The following KDM3B variants were observed in gnomAD, a reference collection of about 807,000 sequenced individuals.
KDM3B encodes the protein lysine-specific demethylase 3B.
Under a neutral mutation model 170.0 loss-of-function variants are expected in KDM3B, and 10 were observed. That is an observed-to-expected ratio of 0.06 (90% CI 0.04 to 0.10). KDM3B has a LOEUF of 0.10. Among genes scored for constraint, KDM3B ranks in the 10% least tolerant of loss-of-function variants. The pLI, the probability that KDM3B is intolerant of heterozygous loss-of-function variation, is 1.00. For synonymous variants in KDM3B, 831 were observed against 834.8 expected, an observed-to-expected ratio of 1.00 and a Z score of 0.08; for missense variants, 1,394 against 2,195.2, an observed-to-expected ratio of 0.64 and a Z score of 7.29.
At chr5:138,389,766 C>T (rs1762376570) in intron 7 of KDM3B, among the ~76,000 whole-genome samples, 1 of 121,596 alleles carries the variant, frequency 8.2e-6, no homozygotes, top group Non-Finnish European at 1.7e-5. Flanking sequence ...GGTCTCTTCT[C>T]TCTCTCTCTC....
intron 15 of KDM3B, among the ~76,000 whole-genome samples, chr5:138,422,244 G>T (rs974968748): frequency 1.3e-5 from 2 of 151,892 alleles, no homozygotes; most frequent in African/African-American, 2.4e-5. Flanking sequence ...AGGCATTTTT[G>T]ACTGTTCTAT....
intron 1 of KDM3B, among the ~76,000 whole-genome samples, chr5:138,363,499 T>A (rs552687092): frequency 1.3e-4 from 20 of 152,344 alleles, no homozygotes; most frequent in Admixed American, 1.2e-3. Context: ...TTTCTCTGAT[T>A]CTAAAGTAAT....
At chr5:138,371,888 TGA>T (rs1328918571) in intron 1 of KDM3B, among the ~76,000 whole-genome samples, 1 of 152,090 alleles carries the variant, frequency 6.6e-6, no homozygotes, top group Non-Finnish European at 1.5e-5. Flanking sequence ...TTTGTGAGTC[TGA>T]GGTGTACAGA....
At chr5:138,416,915 G>C (rs1213757803) in intron 12 of KDM3B, among the ~76,000 whole-genome samples, 2 of 152,082 alleles carry the variant, frequency 1.3e-5, no homozygotes, top group Non-Finnish European at 2.9e-5. Flanking sequence ...CTACCTCCTA[G>C]AATCAAGCGA....
rs1580866069 is a variant in KDM3B, at chr5:138,352,709, A to C, written c.-87A>C. On this transcript the variant is annotated 5_prime_UTR_variant, in exon 1 of 24. Transcript: ENST00000314358. ...GGAACGGCGGCCGCGGGTGGTGCGG[A>C]GGGAGGCCTTGCGGGCGGATCGGGC... 3 of 946,986 alleles carry C rather than the reference A, an allele frequency of 3.2e-6. No individual in the cohort carries two copies. Among genetic ancestry groups the C allele is most frequent in the Admixed American group, 6.8e-5 (1 of 14,662 alleles). The allele number at this position is 946,986 out of a possible 1,614,324, so 58.7% of individuals were successfully genotyped here.
Position 138,415,244 on chromosome 5 carries a change from G to A in KDM3B, c.3307+5G>A. ...CACAAATTATTCCTGGCACAGGTAA[G>A]GAAATTCCTTTTTTAGATTTGGTGG... On this transcript the variant is annotated splice_donor_5th_base_variant and intron_variant, in intron 12 of 23. Transcript: ENST00000314358. 1 of 1,575,708 alleles carries A rather than the reference G, an allele frequency of 6.3e-7. No homozygotes were observed. Among genetic ancestry groups the A allele is most frequent in the Non-Finnish European group, 8.7e-7 (1 of 1,150,340 alleles).
intron 11 of KDM3B, among the ~76,000 whole-genome samples, chr5:138,409,332 GT>G (rs767496305): frequency 6.6e-6 from 1 of 152,138 alleles, no homozygotes; most frequent in Non-Finnish European, 1.5e-5. Context: ...ATTATAATGA[GT>G]TTTTTCAATA....
chr5:138,385,902 A>T (rs1762247834), intron 6 of KDM3B, 120 bp from the exon 7 acceptor site: 1 of 1,165,566 alleles, frequency 8.6e-7, no homozygotes, highest in Non-Finnish European at 1.2e-6. Context: ...TAGAACTGGC[A>T]TTGGAACTTG....
chr5:138,414,744 C>T (rs1178448279), intron 11 of KDM3B, among the ~76,000 whole-genome samples: 1 of 152,078 alleles, frequency 6.6e-6, no homozygotes, highest in African/African-American at 2.4e-5. Flanking sequence ...GAACTTGAGC[C>T]CAGGAGTTGG....
chr5:138,404,986 C>CCATCT (rs1762779582), intron 11 of KDM3B, among the ~76,000 whole-genome samples: 1 of 151,728 alleles, frequency 6.6e-6, no homozygotes, highest in African/African-American at 2.4e-5. Flanking sequence ...GGTGATCTGC[C>CCATCT]CATCTCAGCC....
chr5:138,391,692 C>A lies in KDM3B; in HGVS notation c.2060C>A (p.Ala687Glu). Reference sequence around the variant, plus strand: ...TCCTCTGCAGATTCGGCATCTTTAGCAAAGAAGAAACCCCTCTTCATTACA... The same window carrying A: ...TCCTCTGCAGATTCGGCATCTTTAGAAAAGAAGAAACCCCTCTTCATTACA... The part of the protein sequence containing the change: ...SHSSADSASL[A>E]KKKPLFITTD... The change falls in exon 8 of 24, where the codon GCA (alanine) becomes GAA (glutamate). Residue 687 changes from alanine to glutamate, a missense_variant. Physicochemically the swap from Ala to Glu is moderately radical, Grantham distance 107. Around this residue, in one of 19 missense-constraint regions of KDM3B, gnomAD observed 294 missense variants for 311.7 expected, o/e 0.94. Coordinates refer to ENST00000314358, the MANE Select transcript of KDM3B (RefSeq NM_016604.4). The surrounding 1 kb of genome is among the most constrained non-coding windows in gnomAD (Gnocchi z 5.0). The A allele has an allele frequency of 6.2e-7, 1 of 1,614,028 alleles. No individual in the cohort carries two copies. Among genetic ancestry groups the A allele is most frequent in the Non-Finnish European group, 8.5e-7 (1 of 1,180,028 alleles).
At chr5:138,384,621 C>G (rs1292209748) in intron 6 of KDM3B, among the ~76,000 whole-genome samples, 2 of 151,886 alleles carry the variant, frequency 1.3e-5, no homozygotes, top group Non-Finnish European at 2.9e-5. Context: ...CGCCTGTAGT[C>G]CCAGCTACTT....
At chr5:138,405,011 G>A (rs1235976440) in intron 11 of KDM3B, among the ~76,000 whole-genome samples, 1 of 151,944 alleles carries the variant, frequency 6.6e-6, no homozygotes, top group Non-Finnish European at 1.5e-5. Context: ...AAAGTGCTGG[G>A]ATTACAGGCG....
intron 7 of KDM3B, among the ~76,000 whole-genome samples, chr5:138,389,780 C>CTGTGTGTGTGTGTG (rs1230677685): frequency 1.0e-4 from 12 of 120,250 alleles, no homozygotes; most frequent in African/African-American, 3.0e-4. Flanking sequence ...CTCTCTCTCT[C>CTGTGTGTGTGTGTG]TCTGTGTGTG....
intron 3 of KDM3B, among the ~76,000 whole-genome samples, chr5:138,377,498 C>T (rs1195868938): frequency 6.6e-6 from 1 of 152,226 alleles, no homozygotes; most frequent in Non-Finnish European, 1.5e-5. Flanking sequence ...CCATACCTCA[C>T]TGCAGCCTCA....
At chr5:138,359,168 ATTT>A (rs1233618362) in intron 1 of KDM3B, among the ~76,000 whole-genome samples, 1 of 143,570 alleles carries the variant, frequency 7.0e-6, no homozygotes, top group Non-Finnish European at 1.5e-5. Context: ...GTATTTATTT[ATTT>A]TTTTTTTTTA....
In KDM3B at chr5:138,419,155, C is replaced by G; in HGVS notation, c.3638C>G (p.Pro1213Arg). Residue 1213 changes from proline to arginine, a missense_variant, in exon 14 of 24, where the codon CCT becomes CGT. Physicochemically the swap from Pro to Arg is moderately radical, Grantham distance 103. Transcript: ENST00000314358. ...CTGAAAGCCATCAGGCCTCCTTGCC[C>G]TGACACGGCCCCACCCTCCTCCGCC... ...SELKAIRPPCPDTAPPSSALH... is the reference protein window; with the variant it reads ...SELKAIRPPCRDTAPPSSALH... The G allele has an allele frequency of 1.2e-6, 2 of 1,614,216 alleles. No homozygotes were observed. The highest frequency in any genetic ancestry group is 1.1e-5 in the South Asian group (1 of 91,086).
At chr5:138,379,977 G>C (rs955728319) in intron 5 of KDM3B, among the ~76,000 whole-genome samples, 1 of 152,102 alleles carries the variant, frequency 6.6e-6, no homozygotes, top group South Asian at 2.1e-4. Context: ...TTTGAAATCT[G>C]TAAAACAATA....
intron 11 of KDM3B, among the ~76,000 whole-genome samples, chr5:138,410,789 C>G (rs558115954): frequency 1.3e-5 from 2 of 152,364 alleles, no homozygotes; most frequent in South Asian, 4.1e-4. Flanking sequence ...CCTTCCCTGC[C>G]TGGCAGCCGA....
Sources: allele counts gnomAD v4.1 joint callset (sites outside exome capture counted in the v4.1 genomes callset), GRCh38; gene constraint gnomAD v4.1.1; regional missense constraint gnomAD v4.1.1; non-coding constraint Gnocchi (gnomAD v3.1); transcripts MANE v1.5; gene names NCBI Gene and HGNC (gene_info 2026-07-23, HGNC 2026-07-21).